The following AKAP19 variants were observed in gnomAD, a reference collection of about 807,000 sequenced individuals.
AKAP19 encodes the protein A-kinase anchoring protein 19.
At chr2:189,991,093 T>G in the AKAP19 span, among the ~76,000 whole-genome samples, 1 of 152,354 alleles carries the variant, frequency 6.6e-6, no homozygotes, top group South Asian at 2.1e-4. Flanking sequence ...ATCCACTCAT[T>G]GGCTGATGAG....
chr2:190,142,305 T>A, the AKAP19 span, among the ~76,000 whole-genome samples: 1 of 152,240 alleles, frequency 6.6e-6, no homozygotes. Context: ...ACAATGATTT[T>A]AAGTAAAGGT....
the AKAP19 span, among the ~76,000 whole-genome samples, chr2:189,891,247 A>T: frequency 1.7e-5 from 2 of 115,332 alleles, no homozygotes; most frequent in Admixed American, 9.9e-5. Context: ...TTTTTTTGAG[A>T]CAGTCTCATT....
chr2:190,193,145 T>C, the AKAP19 span, among the ~76,000 whole-genome samples: 5 of 152,150 alleles, frequency 3.3e-5, no homozygotes, highest in East Asian at 5.8e-4. Context: ...TTCCTATTAA[T>C]ACTTTGCTGG....
At chr2:189,957,208 T>C in the AKAP19 span, among the ~76,000 whole-genome samples, 1 of 152,156 alleles carries the variant, frequency 6.6e-6, no homozygotes, top group Admixed American at 6.6e-5. Flanking sequence ...TAATCCATGC[T>C]CACGATATAA....
the AKAP19 span, among the ~76,000 whole-genome samples, chr2:189,935,461 G>A: frequency 5.9e-5 from 9 of 151,940 alleles, no homozygotes; most frequent in African/African-American, 2.2e-4. Flanking sequence ...TAGAAACTTA[G>A]AATTGACAGA....
the AKAP19 span, among the ~76,000 whole-genome samples, chr2:190,176,557 C>T: frequency 3.9e-5 from 6 of 152,244 alleles, no homozygotes; most frequent in African/African-American, 1.4e-4. The surrounding 1 kb of genome is among the most constrained non-coding windows in gnomAD (Gnocchi z 4.7). Context: ...AGTATGTTGG[C>T]CAGGCTGGTC....
chr2:190,048,037 G>A, the AKAP19 span, among the ~76,000 whole-genome samples: 1 of 152,080 alleles, frequency 6.6e-6, no homozygotes, highest in South Asian at 2.1e-4. Context: ...AATATGGGTA[G>A]GGTTGCAACT....
the AKAP19 span, among the ~76,000 whole-genome samples, chr2:190,084,976 A>G: frequency 6.6e-6 from 1 of 152,200 alleles, no homozygotes; most frequent in East Asian, 1.9e-4. Context: ...GCCTGGCTGT[A>G]AAGCCCATCT....
chr2:190,169,201 C>T, the AKAP19 span, among the ~76,000 whole-genome samples: 1 of 152,144 alleles, frequency 6.6e-6, no homozygotes, highest in Non-Finnish European at 1.5e-5. Flanking sequence ...ACTTTCAAGA[C>T]TATCAGATCT....
chr2:190,049,950 AGTTTTACATAAAT>A, the AKAP19 span, among the ~76,000 whole-genome samples: 1 of 152,242 alleles, frequency 6.6e-6, no homozygotes, highest in Admixed American at 6.5e-5. Context: ...TAATAACTCT[AGTTTTACATAAAT>A]GTTTGCATTT....
At chr2:190,031,937 C>T in the AKAP19 span, among the ~76,000 whole-genome samples, 11 of 152,010 alleles carry the variant, frequency 7.2e-5, 1 homozygote, top group South Asian at 1.0e-3. Context: ...TTTTAAATGC[C>T]CATTTCAAAA....
the AKAP19 span, among the ~76,000 whole-genome samples, chr2:190,015,595 C>T: frequency 2.0e-5 from 3 of 152,174 alleles, no homozygotes; most frequent in Non-Finnish European, 4.4e-5. Flanking sequence ...ACACTTGGCT[C>T]CTCATTACTC....
the AKAP19 span, among the ~76,000 whole-genome samples, chr2:190,177,912 T>C: frequency 6.6e-6 from 1 of 152,268 alleles, no homozygotes; most frequent in African/African-American, 2.4e-5. The surrounding 1 kb of genome is among the most constrained non-coding windows in gnomAD (Gnocchi z 4.6). Flanking sequence ...GCTGTTTTTA[T>C]GAGTTTTACT....
At chr2:190,165,440 A>C in the AKAP19 span, among the ~76,000 whole-genome samples, 40 of 152,334 alleles carry the variant, frequency 2.6e-4, no homozygotes, top group African/African-American at 9.6e-4. Context: ...CCATCTCAAA[A>C]ACAATACAAT....
At chr2:189,955,235 C>T in the AKAP19 span, among the ~76,000 whole-genome samples, 1 of 152,112 alleles carries the variant, frequency 6.6e-6, no homozygotes, top group Non-Finnish European at 1.5e-5. Context: ...GGATAATGGC[C>T]TCTAGTTGCA....
chr2:189,997,672 C>CCT, the AKAP19 span, among the ~76,000 whole-genome samples: 2 of 152,142 alleles, frequency 1.3e-5, no homozygotes, highest in African/African-American at 4.8e-5. Flanking sequence ...GAGCCTCAGA[C>CCT]CTTGCCCCAG....
chr2:189,940,818 G>C, the AKAP19 span, among the ~76,000 whole-genome samples: 6 of 152,036 alleles, frequency 3.9e-5, no homozygotes, highest in African/African-American at 1.4e-4. Flanking sequence ...ATGAACCTGG[G>C]AGGCGGAGCT....
the AKAP19 span, chr2:189,923,808 G>A: frequency 6.2e-7 from 1 of 1,611,998 alleles, no homozygotes; most frequent in Non-Finnish European, 8.5e-7. Flanking sequence ...AGGGGCATAA[G>A]TGGCTTCAAT....
At chr2:189,985,440 G>T in the AKAP19 span, among the ~76,000 whole-genome samples, 1 of 152,126 alleles carries the variant, frequency 6.6e-6, no homozygotes, top group Non-Finnish European at 1.5e-5. Flanking sequence ...TTCTTCAGCT[G>T]GTTGCAGAAG....
Sources: allele counts gnomAD v4.1 joint callset (sites outside exome capture counted in the v4.1 genomes callset), GRCh38; gene constraint gnomAD v4.1.1; non-coding constraint Gnocchi (gnomAD v3.1); transcripts MANE v1.5; gene names NCBI Gene and HGNC (gene_info 2026-07-23, HGNC 2026-07-21).